Variants in MYRIP observed in about 807,000 individuals in gnomAD.
MYRIP encodes the protein myosin VIIA and Rab interacting protein, also known as rab effector MyRIP.
A neutral mutation model predicts 98.0 loss-of-function variants in MYRIP; 49 were observed. The observed-to-expected ratio is 0.50, with a 90% confidence interval of 0.40 to 0.63. MYRIP has a LOEUF of 0.63. Ranked by LOEUF, MYRIP falls within the 30% of genes least tolerant of loss-of-function variation. The pLI is 0.00. For synonymous variants in MYRIP, 404 were observed against 409.5 expected (o/e 0.99, Z 0.16); for missense variants, 1,004 against 1,058.2 (o/e 0.95, Z 0.71).
At chr3:39,958,383 C>T (rs1246623672) in intron 2 of MYRIP, among the ~76,000 whole-genome samples, 2 of 152,268 alleles carry the variant, frequency 1.3e-5, no homozygotes, top group South Asian at 2.1e-4. Flanking sequence ...CACAAAGCTA[C>T]AACCAACTGA....
At chr3:40,089,766 C>T (rs1948706647) in intron 3 of MYRIP, among the ~76,000 whole-genome samples, 1 of 152,146 alleles carries the variant, frequency 6.6e-6, no homozygotes, top group Non-Finnish European at 1.5e-5. Flanking sequence ...ATTTTAATGG[C>T]CTTGGCAATG....
rs143895775 is a variant in MYRIP at position 39,954,779 on chromosome 3, A to C, written c.110+53853A>C. ...GCAAAGAAGCTAAAAACCTTGAAAAAAGATTAGACAAATGGCTAACTAGAA... is the reference window on the plus strand; with the variant it reads ...GCAAAGAAGCTAAAAACCTTGAAAACAGATTAGACAAATGGCTAACTAGAA... On this transcript the variant is annotated intron_variant, in intron 2 of 16. Coordinates refer to ENST00000302541, the MANE Select transcript of MYRIP (RefSeq NM_015460.4). Among the ~76,000 whole-genome samples the C allele has an allele frequency of 6.9e-4, 105 of 152,310 alleles. 1 individual carries two copies. In the East Asian group the frequency reaches 0.017, roughly 25 times the overall value.
At chr3:40,168,468 AT>A (rs1950544624) in intron 7 of MYRIP, among the ~76,000 whole-genome samples, 1 of 152,230 alleles carries the variant, frequency 6.6e-6, no homozygotes, top group Non-Finnish European at 1.5e-5. Context: ...AGCTCATATA[AT>A]TTATGGAATG....
chr3:39,892,644 G>GA (rs1470539912), intron 1 of MYRIP, among the ~76,000 whole-genome samples: 2 of 152,236 alleles, frequency 1.3e-5, no homozygotes, highest in Admixed American at 6.5e-5. Flanking sequence ...TCTGAAAGTT[G>GA]AATAATCAAA....
At chr3:40,214,905 A>C (rs1030144618) in intron 11 of MYRIP, among the ~76,000 whole-genome samples, 2 of 152,154 alleles carry the variant, frequency 1.3e-5, no homozygotes, top group African/African-American at 4.8e-5. Flanking sequence ...ATCAGGGGCC[A>C]AGTCTCCCCA....
chr3:39,947,396 C>CA (rs1363575880), intron 2 of MYRIP, among the ~76,000 whole-genome samples: 120 of 151,434 alleles, frequency 7.9e-4, no homozygotes, highest in African/African-American at 1.6e-3. Context: ...GAATAAAATA[C>CA]AAAAAAGGAA....
At chr3:39,835,274 T>G (rs924018590) in intron 1 of MYRIP, among the ~76,000 whole-genome samples, 3 of 152,160 alleles carry the variant, frequency 2.0e-5, no homozygotes, top group African/African-American at 7.2e-5. Flanking sequence ...AAATAATTTC[T>G]AACTCCTGTT....
chr3:39,974,815 T>C lies in MYRIP; in HGVS notation c.111-69235T>C, dbSNP rs902292185. On this transcript the variant is annotated intron_variant, in intron 2 of 16. Transcript: ENST00000302541. ...GATAAAAACCATATGATAATCTCAA[T>C]AGATGCAGAAAAGGCCTTCGAAAAA... 1.2e-4 allele frequency among the ~76,000 whole-genome samples: 19 copies of C among 152,106 alleles called. 1 individual carries two copies. Among genetic ancestry groups the C allele is most frequent in the Non-Finnish European group, 2.6e-4 (18 of 68,020 alleles).
intron 1 of MYRIP, among the ~76,000 whole-genome samples, chr3:39,866,555 C>G (rs1421411027): frequency 3.3e-5 from 5 of 152,090 alleles, no homozygotes; most frequent in Admixed American, 1.3e-4. Flanking sequence ...ACCGCAACCT[C>G]CACCTCCCGG....
intron 2 of MYRIP, among the ~76,000 whole-genome samples, chr3:39,973,450 A>G (rs1945655674): frequency 6.6e-6 from 1 of 152,128 alleles, no homozygotes; most frequent in Non-Finnish European, 1.5e-5. Context: ...CACAATAATA[A>G]TGGGAGACTT....
intron 2 of MYRIP, among the ~76,000 whole-genome samples, chr3:39,951,919 C>T (rs1945026374): frequency 6.6e-6 from 1 of 152,216 alleles, no homozygotes; most frequent in Non-Finnish European, 1.5e-5. Flanking sequence ...AATGTACATG[C>T]CATAGATTTA....
chr3:40,122,870 A>AT (rs987865823), intron 3 of MYRIP, among the ~76,000 whole-genome samples: 3 of 150,370 alleles, frequency 2.0e-5, no homozygotes, highest in Non-Finnish European at 3.0e-5. Flanking sequence ...AAGTAGATAT[A>AT]TTTTTTTTTA....
chr3:39,958,347 C>T (rs1945224208), intron 2 of MYRIP, among the ~76,000 whole-genome samples: 1 of 152,124 alleles, frequency 6.6e-6, no homozygotes, highest in African/African-American at 2.4e-5. Context: ...ACTGATGGAA[C>T]AGAACAGAGC....
chr3:39,876,546 A>G (rs897038279), intron 1 of MYRIP, among the ~76,000 whole-genome samples: 2 of 151,930 alleles, frequency 1.3e-5, no homozygotes, highest in Non-Finnish European at 2.9e-5. Context: ...GGTGGTGACA[A>G]AATCTCTCAG....
At chr3:39,976,280 A>G (rs541336471) in intron 2 of MYRIP, among the ~76,000 whole-genome samples, 1 of 152,376 alleles carries the variant, frequency 6.6e-6, no homozygotes, top group East Asian at 1.9e-4. Context: ...TGCAGCCAAA[A>G]GACACATGAG....
At chr3:39,935,536 C>T (rs1239771947) in intron 2 of MYRIP, among the ~76,000 whole-genome samples, 1 of 152,068 alleles carries the variant, frequency 6.6e-6, no homozygotes, top group African/African-American at 2.4e-5. Context: ...CACTGAGGAC[C>T]TTGGCTCATG....
chr3:40,180,233 T>C (rs1950854004), intron 8 of MYRIP, among the ~76,000 whole-genome samples: 1 of 152,228 alleles, frequency 6.6e-6, no homozygotes, highest in Admixed American at 6.5e-5. Context: ...GTGGGATCCT[T>C]TTTATTTCTT....
At chr3:40,131,767 T>C (rs1575562593) in intron 3 of MYRIP, among the ~76,000 whole-genome samples, 1 of 152,350 alleles carries the variant, frequency 6.6e-6, no homozygotes, top group African/African-American at 2.4e-5. Flanking sequence ...AAACATGCCA[T>C]ACTGTTTTAA....
At chr3:40,109,426 G>A (rs1203043607) in intron 3 of MYRIP, among the ~76,000 whole-genome samples, 2 of 152,156 alleles carry the variant, frequency 1.3e-5, no homozygotes, top group Non-Finnish European at 2.9e-5. Context: ...AGAGGGAAGA[G>A]GAATTTGGGG....
Sources: allele counts gnomAD v4.1 joint callset (sites outside exome capture counted in the v4.1 genomes callset), GRCh38; gene constraint gnomAD v4.1.1; transcripts MANE v1.5; gene names NCBI Gene and HGNC (gene_info 2026-07-23, HGNC 2026-07-21).